CCDC62: variants seen among roughly 807,000 people sequenced by gnomAD.
The protein encoded by CCDC62 is coiled-coil domain-containing protein 62.
In CCDC62, 72 loss-of-function variants were observed where a neutral mutation model predicts 80.8. The observed-to-expected ratio is 0.89, with a 90% CI of 0.74 to 1.08. The LOEUF is 1.08. Ranked by LOEUF, CCDC62 falls within the 50% of genes least tolerant of loss-of-function variation. The pLI is 0.00. For synonymous variants in CCDC62, 286 were observed against 296.5 expected (o/e 0.96, Z 0.36); for missense variants, 704 against 809.4 (o/e 0.87, Z 1.58).
chr12:122,820,025 G>C (rs1243830032), intron 11 of CCDC62, among the ~76,000 whole-genome samples: 1 of 114,670 alleles, frequency 8.7e-6, no homozygotes, highest in African/African-American at 3.4e-5. Flanking sequence ...TTGAGCAACT[G>C]TATTCCAGCC....
chr12:122,812,777 G>GAGAGAA (rs750420995), intron 10 of CCDC62, among the ~76,000 whole-genome samples: 15 of 57,778 alleles, frequency 2.6e-4, no homozygotes, highest in African/African-American at 1.2e-3. Context: ...GAGAGAGAGA[G>GAGAGAA]AGAAAGAAAG....
intron 4 of CCDC62, among the ~76,000 whole-genome samples, chr12:122,786,908 C>G (rs1211427476): frequency 2.6e-5 from 4 of 151,994 alleles, no homozygotes; most frequent in South Asian, 4.2e-4. Flanking sequence ...TGCAGTGAGC[C>G]GAAATCGCGC....
At chr12:122,808,526 CT>C (rs1216643025) in intron 10 of CCDC62, among the ~76,000 whole-genome samples, 6 of 150,906 alleles carry the variant, frequency 4.0e-5, no homozygotes, top group African/African-American at 9.8e-5. Context: ...TATATTTAAC[CT>C]TTTTTTTTCT....
intron 4 of CCDC62, among the ~76,000 whole-genome samples, chr12:122,787,216 G>T (rs2030309813): frequency 6.6e-6 from 1 of 152,196 alleles, no homozygotes; most frequent in Non-Finnish European, 1.5e-5. Context: ...GGGAAGCTGA[G>T]GTGGGTGGAT....
intron 1 of CCDC62, among the ~76,000 whole-genome samples, chr12:122,774,944 A>AAT (rs1879328727): frequency 2.0e-5 from 3 of 150,888 alleles, no homozygotes; most frequent in Admixed American, 1.3e-4. Context: ...AAAAAAAAAA[A>AAT]TTAGCCGGGC....
chr12:122,792,019 G>A lies in CCDC62; in HGVS notation c.671-1G>A. 5.0e-6 allele frequency: 8 copies of A among 1,607,444 alleles called. No individual in the cohort carries two copies. Among genetic ancestry groups the A allele is most frequent in the Non-Finnish European group, 6.8e-6 (8 of 1,174,004 alleles). On this transcript the variant is annotated splice_acceptor_variant, in intron 5 of 12. Coordinates refer to ENST00000253079, the MANE Select transcript of CCDC62 (RefSeq NM_201435.5). LOFTEE classifies it high-confidence loss of function. ...GACTTTCTTTTTCTTCTGTTGTGAA[G>A]AGGACCTCAATGAAAAGACGACAGA...
At chr12:122,793,803 T>G (rs2030775430) in intron 6 of CCDC62, among the ~76,000 whole-genome samples, 1 of 152,140 alleles carries the variant, frequency 6.6e-6, no homozygotes, top group Non-Finnish European at 1.5e-5. Context: ...CTCTTGTGAT[T>G]AAAGATCGGG....
Position 122,801,057 on chromosome 12 carries a change from G to A in CCDC62, c.978-67G>A, listed in dbSNP as rs1015552649. The A allele has an allele frequency of 2.0e-6, 3 of 1,492,304 alleles. No homozygotes were observed. The African/African-American group carries it at 4.2e-5, about 21-fold the overall frequency. 92.4% of individuals were successfully genotyped at this position (1,492,304 alleles called of 1,614,324 possible). A position where few individuals can be genotyped will look rare whatever the true frequency, so the allele number is the denominator to read the frequency against. Reference sequence around the variant, plus strand: ...GATTTAGCTCTACTGAGTTTTGGGTGAAATGTTTAGAATGATAGCATCAAG... The same window carrying A: ...GATTTAGCTCTACTGAGTTTTGGGTAAAATGTTTAGAATGATAGCATCAAG... On this transcript the variant is annotated intron_variant, in intron 8 of 12. Transcript: ENST00000253079.
intron 1 of CCDC62, among the ~76,000 whole-genome samples, chr12:122,776,205 A>G (rs566577124): frequency 2.0e-5 from 3 of 152,354 alleles, no homozygotes; most frequent in South Asian, 4.1e-4. Context: ...TGCAGTTGCT[A>G]TCGTTTTACA....
rs116674171 is a variant in CCDC62 at position 122,819,449 on chromosome 12, C to T, written c.2002-3917C>T. Among the ~76,000 whole-genome samples the T allele has an allele frequency of 7.2e-3, 1,090 of 152,304 alleles. 18 individuals are homozygous for T. The highest frequency in any genetic ancestry group is 0.024 in the African/African-American group (982 of 41,566). ...AATTGGCAATGTTTTCTAAAAATCA[C>T]TGAAGAACTGACGCTTTGACAATGC... On this transcript the variant is annotated intron_variant, in intron 11 of 12. Coordinates refer to ENST00000253079, the MANE Select transcript of CCDC62 (RefSeq NM_201435.5).
Position 122,823,359 on chromosome 12 carries a change from T to C in CCDC62, c.2002-7T>C. The C allele has an allele frequency of 6.2e-7, 1 of 1,610,514 alleles. No homozygotes were observed. Among genetic ancestry groups the C allele is most frequent in the Non-Finnish European group, 8.5e-7 (1 of 1,176,874 alleles). ...TCCTGAATACTAATCTGGGAGTTGT[T>C]TTCTAGAAGTCAGAGGTCCCAGAAG... On this transcript the variant is annotated splice_region_variant and splice_polypyrimidine_tract_variant and intron_variant, in intron 11 of 12. Coordinates refer to ENST00000253079, the MANE Select transcript of CCDC62 (RefSeq NM_201435.5).
At chr12:122,776,439 T>A (rs1433581112) in intron 1 of CCDC62, 1 of 152,236 alleles carries the variant, frequency 6.6e-6, no homozygotes, top group Non-Finnish European at 1.5e-5. Context: ...TTCTGAAGTA[T>A]GTAAGGGTGA....
At chr12:122,777,346 A>G (rs533557162) in intron 1 of CCDC62, 145 bp from the exon 2 acceptor site, 1 of 642,296 alleles carries the variant, frequency 1.6e-6, no homozygotes, top group Non-Finnish European at 2.6e-6. Flanking sequence ...AAGTATACAT[A>G]ATCTTTTGCT....
At chr12:122,791,022 G>GCAGGT (rs1382033576) in intron 5 of CCDC62, among the ~76,000 whole-genome samples, 1 of 152,170 alleles carries the variant, frequency 6.6e-6, no homozygotes, top group Non-Finnish European at 1.5e-5. Flanking sequence ...GGGGAGATGG[G>GCAGGT]CAGGTCAGGT....
At chr12:122,794,731 A>G (rs1387418139) in intron 6 of CCDC62, among the ~76,000 whole-genome samples, 1 of 152,152 alleles carries the variant, frequency 6.6e-6, no homozygotes, top group African/African-American at 2.4e-5. Flanking sequence ...ATCATAGCTC[A>G]CTGCAGCCTC....
intron 1 of CCDC62, 32 bp downstream of exon 1, chr12:122,774,738 C>G (rs776962938): frequency 8.0e-7 from 1 of 1,242,702 alleles, no homozygotes; most frequent in Non-Finnish European, 1.0e-6. Context: ...GGCGGGGCGC[C>G]GCGGGAACGG....
chr12:122,816,643 G>A (rs1696324), intron 11 of CCDC62, among the ~76,000 whole-genome samples: 6,585 of 152,182 alleles, frequency 0.043, 468 homozygotes, highest in African/African-American at 0.15. Flanking sequence ...TGAGGTAGGA[G>A]GATCACTTGA....
At chr12:122,801,927 G>A (rs1172283614) in intron 9 of CCDC62, 75 bp downstream of exon 9, 5 of 1,456,136 alleles carry the variant, frequency 3.4e-6, no homozygotes, top group Non-Finnish European at 4.7e-6. Flanking sequence ...GGTGATGGAA[G>A]CCACGCCATA....
chr12:122,809,163 A>C (rs1164199488), intron 10 of CCDC62, among the ~76,000 whole-genome samples: 2 of 152,152 alleles, frequency 1.3e-5, no homozygotes, highest in East Asian at 3.8e-4. Context: ...CTCCAGATTT[A>C]CCTCCTCTCT....
Sources: gnomAD v4.1 joint callset for allele counts (sites outside exome capture counted in the v4.1 genomes callset) on GRCh38, gnomAD v4.1.1 for gene constraint, MANE v1.5 for transcripts, NCBI Gene and HGNC (gene_info 2026-07-23, HGNC 2026-07-21) for gene names.